Variants in PRKD1 observed in about 807,000 individuals in gnomAD.
PRKD1 encodes the protein serine/threonine-protein kinase D1.
A neutral mutation model predicts 95.9 loss-of-function variants in PRKD1; 63 were observed. The ratio of observed to expected loss-of-function variants is 0.66; its 90% CI spans 0.54 to 0.81. PRKD1 has a LOEUF of 0.81. Among genes scored for constraint, PRKD1 ranks in the 30% least tolerant of loss-of-function variants. The probability of loss-of-function intolerance (pLI) is 0.00; values close to 1 mark genes in which losing one functional copy is unlikely to be tolerated. For missense variants in PRKD1, 1,048 were observed against 1,165.3 expected, an observed-to-expected ratio of 0.90 and a Z score of 1.47; for synonymous variants, 425 against 423.1, an observed-to-expected ratio of 1.00 and a Z score of -0.05.
chr14:29,896,722 A>G (rs1031412324), intron 1 of PRKD1, among the ~76,000 whole-genome samples: 1 of 54,692 alleles, frequency 1.8e-5, no homozygotes, highest in African/African-American at 1.4e-4. Context: ...TAAACAGTTA[A>G]AAAAAAAAAA....
At position 29,628,901 on chromosome 14, in the gene PRKD1, A is replaced by G. The variant is rs1197819391; in HGVS notation, c.1725+140T>C. 8.1e-6 allele frequency: 3 copies of G among 368,316 alleles called. No homozygotes were observed. In the African/African-American group the frequency reaches 1.9e-4, roughly 23 times the overall value. The allele number at this position is 368,316 out of a possible 1,614,324, so 22.8% of individuals were successfully genotyped here. A position where few individuals can be genotyped will look rare whatever the true frequency, so the allele number is the denominator to read the frequency against. On this transcript the variant is annotated intron_variant, in intron 11 of 17. Transcript: ENST00000331968. The stretch of plus-strand genomic sequence containing the variant: ...CTATATAATTTAATATTTCTAAAAT[A>G]TCACAAAAAAATATCCAAATTCTAT...
At chr14:29,843,812 A>G (rs1264581299) in intron 1 of PRKD1, among the ~76,000 whole-genome samples, 1 of 152,238 alleles carries the variant, frequency 6.6e-6, no homozygotes, top group South Asian at 2.1e-4. Context: ...TAAATGTTAT[A>G]GAGAAAACAG....
intron 16 of PRKD1, chr14:29,591,161 T>C (rs764673114): frequency 4.6e-5 from 7 of 152,196 alleles, no homozygotes; most frequent in South Asian, 2.1e-4. Context: ...CAACTTTTTG[T>C]ATTTCCCTGG....
chr14:29,693,592 T>C (rs1162081975), intron 2 of PRKD1, among the ~76,000 whole-genome samples: 1 of 149,480 alleles, frequency 6.7e-6, no homozygotes, highest in Non-Finnish European at 1.5e-5. Context: ...GGAATTCAAG[T>C]CTTCCATGGA....
At chr14:29,584,806 A>C (rs1192731682) in intron 16 of PRKD1, among the ~76,000 whole-genome samples, 2 of 152,172 alleles carry the variant, frequency 1.3e-5, no homozygotes, top group Non-Finnish European at 2.9e-5. Flanking sequence ...TTAGAAAATC[A>C]GTGTGATGCT....
chr14:29,633,045 AGGGTG>A, intron 8 of PRKD1, 99 bp from the exon 9 acceptor site: 1 of 1,117,188 alleles, frequency 9.0e-7, no homozygotes, highest in African/African-American at 1.5e-5. Flanking sequence ...ATGCGATTTG[AGGGTG>A]GAAAGTGCAT....
At chr14:29,873,108 T>C (rs1893170440) in intron 1 of PRKD1, among the ~76,000 whole-genome samples, 1 of 152,156 alleles carries the variant, frequency 6.6e-6, no homozygotes, top group Non-Finnish European at 1.5e-5. Flanking sequence ...TTTTTTGAGA[T>C]GGAGTCTCGC....
At chr14:29,622,277 G>C (rs776485609) in intron 13 of PRKD1, among the ~76,000 whole-genome samples, 1 of 152,146 alleles carries the variant, frequency 6.6e-6, no homozygotes, top group East Asian at 1.9e-4. Flanking sequence ...AACAGGCCAC[G>C]TACAGGTACA....
At chr14:29,650,880 G>A (rs1566514115) in intron 4 of PRKD1, among the ~76,000 whole-genome samples, 1 of 152,208 alleles carries the variant, frequency 6.6e-6, no homozygotes, top group African/African-American at 2.4e-5. Flanking sequence ...CAGATAAGGT[G>A]TCTTACAGTT....
chr14:29,843,484 T>C (rs1181189730), intron 1 of PRKD1, among the ~76,000 whole-genome samples: 1 of 152,206 alleles, frequency 6.6e-6, no homozygotes, highest in Non-Finnish European at 1.5e-5. Context: ...ATATAGAGCC[T>C]GAAAAATGTC....
intron 1 of PRKD1, among the ~76,000 whole-genome samples, chr14:29,831,941 C>T (rs940654431): frequency 5.3e-5 from 8 of 152,076 alleles, no homozygotes; most frequent in Non-Finnish European, 8.8e-5. Flanking sequence ...CATGTATGTA[C>T]ATCCAGGTCA....
intron 1 of PRKD1, among the ~76,000 whole-genome samples, chr14:29,878,931 T>G (rs1797602129): frequency 1.3e-5 from 2 of 152,112 alleles, no homozygotes; most frequent in African/African-American, 4.8e-5. Flanking sequence ...CAATAGAAAA[T>G]TTTAATAAAA....
chr14:29,679,952 A>G (rs1489314997), intron 2 of PRKD1, among the ~76,000 whole-genome samples: 2 of 152,112 alleles, frequency 1.3e-5, no homozygotes, highest in Non-Finnish European at 2.9e-5. Flanking sequence ...TCTTAGGTAG[A>G]AACACAGTGG....
intron 13 of PRKD1, among the ~76,000 whole-genome samples, chr14:29,604,006 G>A (rs1194855214): frequency 6.6e-6 from 1 of 152,090 alleles, no homozygotes; most frequent in Non-Finnish European, 1.5e-5. Flanking sequence ...TGTAGATCAA[G>A]ACAAAAACTC....
At chr14:29,793,944 A>T (rs1889691364) in intron 1 of PRKD1, among the ~76,000 whole-genome samples, 1 of 152,084 alleles carries the variant, frequency 6.6e-6, no homozygotes, top group African/African-American at 2.4e-5. Flanking sequence ...GAATTTACTA[A>T]GATCCAATGT....
chr14:29,917,278 A>T (rs1894924155), intron 1 of PRKD1, among the ~76,000 whole-genome samples: 1 of 152,238 alleles, frequency 6.6e-6, no homozygotes, highest in South Asian at 2.1e-4. Context: ...ATGGATTTAG[A>T]CAACCTAGGA....
intron 2 of PRKD1, among the ~76,000 whole-genome samples, chr14:29,676,354 A>G (rs1367003975): frequency 1.3e-5 from 2 of 151,872 alleles, no homozygotes; most frequent in Non-Finnish European, 2.9e-5. Context: ...CAAGAGTAGT[A>G]GGCTCCGAAG....
At chr14:29,669,312 G>A (rs1394975754) in intron 2 of PRKD1, among the ~76,000 whole-genome samples, 3 of 152,162 alleles carry the variant, frequency 2.0e-5, no homozygotes, top group African/African-American at 2.4e-5. Flanking sequence ...AAAAGTCAGT[G>A]GTAATGATGC....
intron 1 of PRKD1, among the ~76,000 whole-genome samples, chr14:29,751,473 G>T (rs1887477323): frequency 6.6e-6 from 1 of 152,178 alleles, no homozygotes; most frequent in Admixed American, 6.5e-5. Context: ...ATGTCTAGAT[G>T]TTGGCAGCCA....
Sources: gnomAD v4.1 joint callset for allele counts (sites outside exome capture counted in the v4.1 genomes callset) on GRCh38, gnomAD v4.1.1 for gene constraint, MANE v1.5 for transcripts, NCBI Gene and HGNC (gene_info 2026-07-23, HGNC 2026-07-21) for gene names.